The following POC1B variants were observed in gnomAD, a reference collection of about 807,000 sequenced individuals.
POC1B encodes the protein POC1 centriolar protein homolog B.
POC1B carries 44 observed loss-of-function variants against 60.6 expected under a neutral mutation model. The ratio of observed to expected loss-of-function variants is 0.73; its 90% confidence interval spans 0.57 to 0.93. POC1B has a LOEUF of 0.93. Among genes scored for constraint, POC1B ranks in the 40% least tolerant of loss-of-function variants. The pLI is 0.00. For missense variants in POC1B, 555 were observed against 572.3 expected (o/e 0.97, Z 0.31); for synonymous variants, 180 against 198.9 (o/e 0.90, Z 0.80).
At chr12:89,441,153 A>G (rs1431078277) in intron 10 of POC1B, among the ~76,000 whole-genome samples, 1 of 152,220 alleles carries the variant, frequency 6.6e-6, no homozygotes, top group East Asian at 1.9e-4. Flanking sequence ...CAGCTCAAGG[A>G]GGCCTGCCCA....
At chr12:89,405,885 A>C in the POC1B span, among the ~76,000 whole-genome samples, 22 of 152,050 alleles carry the variant, frequency 1.4e-4, no homozygotes, top group African/African-American at 5.1e-4. Context: ...ACTGAGCCCA[A>C]GAATTTGAGG....
chr12:89,500,156 A>G lies in POC1B; in HGVS notation c.101-2814T>C, dbSNP rs1869480382. On this transcript the variant is annotated intron_variant, in intron 2 of 11. Transcript: ENST00000313546. Reference sequence around the variant, plus strand: ...CAGAAGAAGATTTTGTCAACCTTCCAGGGCACGTGACATTAACACAGAGCA... The same window carrying G: ...CAGAAGAAGATTTTGTCAACCTTCCGGGGCACGTGACATTAACACAGAGCA... 6.3e-6 allele frequency: 10 copies of G among 1,590,020 alleles called. No individual in the cohort carries two copies. The East Asian group carries it at 1.3e-4, about 21-fold the overall frequency.
chr12:89,524,870 G>C, intron 2 of POC1B: 1 of 642,662 alleles, frequency 1.6e-6, no homozygotes, highest in Non-Finnish European at 2.6e-6. Context: ...CTGGTGGTTA[G>C]TTTGCGAAAG....
At chr12:89,509,489 A>G (rs751413788) in intron 2 of POC1B, among the ~76,000 whole-genome samples, 11 of 152,190 alleles carry the variant, frequency 7.2e-5, no homozygotes, top group Non-Finnish European at 1.3e-4. Flanking sequence ...TTTAGAAACC[A>G]ATATCTGGGC....
the POC1B span, among the ~76,000 whole-genome samples, chr12:89,410,552 C>T: frequency 1.3e-5 from 2 of 151,892 alleles, no homozygotes; most frequent in African/African-American, 2.4e-5. Context: ...TGGTGGCGGG[C>T]GCCTGTAGCC....
chr12:89,441,805 C>T (rs774633744), intron 10 of POC1B, among the ~76,000 whole-genome samples: 4 of 152,202 alleles, frequency 2.6e-5, no homozygotes, highest in South Asian at 2.1e-4. Flanking sequence ...TTCAGATGAT[C>T]GGTAATAACA....
intron 10 of POC1B, among the ~76,000 whole-genome samples, chr12:89,449,761 T>G (rs1455322587): frequency 6.6e-6 from 1 of 152,106 alleles, no homozygotes; most frequent in African/African-American, 2.4e-5. Context: ...ATATTCTAAA[T>G]CTACAATGAT....
At chr12:89,441,824 T>G (rs193248629) in intron 10 of POC1B, among the ~76,000 whole-genome samples, 1 of 152,310 alleles carries the variant, frequency 6.6e-6, no homozygotes, top group African/African-American at 2.4e-5. Context: ...CAAACTTCTC[T>G]GAGCTAAAGA....
At chr12:89,503,392 C>T (rs1266914113) in intron 2 of POC1B, among the ~76,000 whole-genome samples, 1 of 152,258 alleles carries the variant, frequency 6.6e-6, no homozygotes, top group Non-Finnish European at 1.5e-5. Context: ...GCCGGGATTG[C>T]AGACGGAGTC....
At chr12:89,502,240 G>A (rs1869609982) in intron 2 of POC1B, 1 of 1,328,156 alleles carries the variant, frequency 7.5e-7, no homozygotes, top group South Asian at 1.2e-5. Flanking sequence ...TGGAAGTTCA[G>A]ATGACTCAAA....
chr12:89,411,952 G>T, the POC1B span, among the ~76,000 whole-genome samples: 1 of 152,152 alleles, frequency 6.6e-6, no homozygotes, highest in East Asian at 1.9e-4. Flanking sequence ...ATAGACCTCG[G>T]GTTCTATCCT....
chr12:89,496,344 G>C (rs905069711), intron 3 of POC1B, among the ~76,000 whole-genome samples: 1 of 152,152 alleles, frequency 6.6e-6, no homozygotes, highest in South Asian at 2.1e-4. Flanking sequence ...AGTGGCCCAG[G>C]GGTTGGGAAT....
At chr12:89,495,434 T>C (rs537865547) in intron 3 of POC1B, among the ~76,000 whole-genome samples, 3 of 152,336 alleles carry the variant, frequency 2.0e-5, no homozygotes, top group African/African-American at 7.2e-5. Context: ...CATTGGAATA[T>C]ATTCAGATTT....
intron 2 of POC1B, among the ~76,000 whole-genome samples, chr12:89,515,713 A>G (rs1870409438): frequency 6.6e-6 from 1 of 152,092 alleles, no homozygotes; most frequent in Non-Finnish European, 1.5e-5. Context: ...CAAATCTCTG[A>G]TTGCAACCCA....
intron 2 of POC1B, among the ~76,000 whole-genome samples, chr12:89,505,428 G>A (rs1289427148): frequency 2.0e-5 from 3 of 152,164 alleles, no homozygotes; most frequent in African/African-American, 7.2e-5. Flanking sequence ...AACTATCCAA[G>A]TAAAATGAAT....
At chr12:89,492,672 C>T (rs1473324539) in intron 3 of POC1B, among the ~76,000 whole-genome samples, 1 of 152,178 alleles carries the variant, frequency 6.6e-6, no homozygotes, top group East Asian at 1.9e-4. Flanking sequence ...CATACACCTG[C>T]ACCTCATCCT....
chr12:89,445,309 A>AGAT (rs1313895241), intron 10 of POC1B, among the ~76,000 whole-genome samples: 2 of 152,192 alleles, frequency 1.3e-5, no homozygotes, highest in African/African-American at 4.8e-5. Context: ...GACAATCCTA[A>AGAT]GCCAAAAGAA....
intron 3 of POC1B, 132 bp downstream of exon 3, chr12:89,497,039 C>T (rs367664421): frequency 2.4e-5 from 22 of 904,930 alleles, no homozygotes; most frequent in Middle Eastern, 3.7e-4. Context: ...TTGACTTTAC[C>T]ACAAGGGCAG....
intron 5 of POC1B, 83 bp downstream of exon 5, chr12:89,472,085 C>G (rs1882921766): frequency 1.0e-6 from 1 of 968,576 alleles, no homozygotes; most frequent in Non-Finnish European, 1.6e-6. Context: ...AATTTCTTTA[C>G]TCATTTATTT....
Sources: allele counts gnomAD v4.1 joint callset (sites outside exome capture counted in the v4.1 genomes callset), GRCh38; gene constraint gnomAD v4.1.1; transcripts MANE v1.5; gene names NCBI Gene and HGNC (gene_info 2026-07-23, HGNC 2026-07-21).